Variants in TBC1D5 observed in about 807,000 individuals in gnomAD.
TBC1D5 encodes TBC1 domain family member 5.
In TBC1D5, 75 loss-of-function variants were observed where a neutral mutation model predicts 100.3. The observed-to-expected ratio is 0.75, with a 90% CI of 0.62 to 0.91. TBC1D5 has a LOEUF of 0.91. Ranked by LOEUF, TBC1D5 falls within the 40% of genes least tolerant of loss-of-function variation. The probability of loss-of-function intolerance (pLI) is 0.00; values close to 1 mark genes in which losing one functional copy is unlikely to be tolerated. For synonymous variants in TBC1D5, 323 were observed against 325.6 expected (o/e 0.99, Z 0.09); for missense variants, 910 against 942.4 (o/e 0.97, Z 0.45).
chr3:17,519,792 G>T (rs547625072), intron 2 of TBC1D5, among the ~76,000 whole-genome samples: 1 of 152,288 alleles, frequency 6.6e-6, no homozygotes, highest in African/African-American at 2.4e-5. Flanking sequence ...CGTAGGAATA[G>T]ATATGGATTA....
chr3:17,206,619 T>C (rs1397883642), intron 18 of TBC1D5, among the ~76,000 whole-genome samples: 1 of 152,074 alleles, frequency 6.6e-6, no homozygotes, highest in African/African-American at 2.4e-5. Flanking sequence ...CACACAGGGG[T>C]CACAGGGGTC....
At chr3:17,640,125 C>A (rs113251065) in intron 1 of TBC1D5, among the ~76,000 whole-genome samples, 24 of 152,086 alleles carry the variant, frequency 1.6e-4, no homozygotes, top group African/African-American at 5.3e-4. Flanking sequence ...GGGGTTGAGT[C>A]CACCAGTATA....
At chr3:17,388,008 T>C (rs2093222574) in intron 8 of TBC1D5, among the ~76,000 whole-genome samples, 1 of 151,992 alleles carries the variant, frequency 6.6e-6, no homozygotes, top group Non-Finnish European at 1.5e-5. Flanking sequence ...CATTTGTCCA[T>C]AAAATAAAAA....
At chr3:17,428,646 A>C in intron 3 of TBC1D5, 127 bp from the exon 4 acceptor site, 1 of 311,584 alleles carries the variant, frequency 3.2e-6, no homozygotes. Context: ...TCCCCAAATT[A>C]TCTTTTGTAC....
intron 3 of TBC1D5, among the ~76,000 whole-genome samples, chr3:17,474,820 C>G (rs2095419520): frequency 6.6e-6 from 1 of 152,008 alleles, no homozygotes; most frequent in South Asian, 2.1e-4. Context: ...AAATGGAATG[C>G]CGGAAGGATA....
At position 17,280,396 on chromosome 3, in the gene TBC1D5, G is replaced by T. The variant is rs547751976; in HGVS notation, c.1245+11499C>A. Among the ~76,000 whole-genome samples, 12 of 152,142 alleles carry T rather than the reference G, an allele frequency of 7.9e-5. No homozygotes were observed. In the South Asian group the frequency reaches 2.5e-3, roughly 32 times the overall value. On this transcript the variant is annotated intron_variant, in intron 15 of 21. Coordinates refer to ENST00000253692, the Ensembl canonical transcript of TBC1D5. ...GTGGCCCAAACATCCCTGTTTTCCCGCTGGAAAGTTGCCTTTTCCAAAACC... is the reference window on the plus strand; with the variant it reads ...GTGGCCCAAACATCCCTGTTTTCCCTCTGGAAAGTTGCCTTTTCCAAAACC...
chr3:17,497,465 G>A (rs1310601378), intron 3 of TBC1D5, among the ~76,000 whole-genome samples: 3 of 152,154 alleles, frequency 2.0e-5, no homozygotes, highest in African/African-American at 2.4e-5. Flanking sequence ...GTCTTTGGGC[G>A]GCAGCCCTCA....
intron 18 of TBC1D5, among the ~76,000 whole-genome samples, chr3:17,203,880 A>G (rs532943269): frequency 6.6e-6 from 1 of 152,194 alleles, no homozygotes; most frequent in African/African-American, 2.4e-5. Flanking sequence ...ATGGACTAAT[A>G]CAGTGCCCTA....
At chr3:17,310,703 A>G (rs896255943) in intron 13 of TBC1D5, among the ~76,000 whole-genome samples, 1 of 152,066 alleles carries the variant, frequency 6.6e-6, no homozygotes, top group East Asian at 1.9e-4. Context: ...AAAAAATACC[A>G]AAACCACATA....
At chr3:17,471,359 AT>A (rs1271197331) in intron 3 of TBC1D5, among the ~76,000 whole-genome samples, 1 of 152,230 alleles carries the variant, frequency 6.6e-6, no homozygotes, top group Non-Finnish European at 1.5e-5. Context: ...TAGTATTAAT[AT>A]TCTATTCTTA....
intron 18 of TBC1D5, among the ~76,000 whole-genome samples, chr3:17,203,583 G>A: frequency 6.6e-6 from 1 of 152,194 alleles, no homozygotes; most frequent in Non-Finnish European, 1.5e-5. Flanking sequence ...CTCTGAGTTG[G>A]AGGAGGGCCT....
intron 1 of TBC1D5, among the ~76,000 whole-genome samples, chr3:17,630,354 T>C (rs2063388468): frequency 6.6e-6 from 1 of 152,226 alleles, no homozygotes; most frequent in South Asian, 2.1e-4. Flanking sequence ...TTTCCAACAG[T>C]ATGTGCTCAC....
chr3:17,324,368 T>G (rs2085812741), intron 13 of TBC1D5, among the ~76,000 whole-genome samples: 1 of 152,068 alleles, frequency 6.6e-6, no homozygotes. Context: ...ATAGGCCCGG[T>G]GTGGTGGCTC....
chr3:17,672,074 A>G (rs577303517), intron 1 of TBC1D5, among the ~76,000 whole-genome samples: 8 of 152,354 alleles, frequency 5.3e-5, no homozygotes, highest in South Asian at 4.1e-4. Flanking sequence ...AAAGAATTTC[A>G]TAAATTGACA....
At chr3:17,543,731 C>T (rs1291327704) in intron 2 of TBC1D5, among the ~76,000 whole-genome samples, 1 of 152,046 alleles carries the variant, frequency 6.6e-6, no homozygotes, top group Non-Finnish European at 1.5e-5. Flanking sequence ...GGTATTATGC[C>T]TATATTCAGT....
chr3:17,667,747 C>T (rs1280181211), intron 1 of TBC1D5, among the ~76,000 whole-genome samples: 1 of 152,030 alleles, frequency 6.6e-6, no homozygotes, highest in Admixed American at 6.5e-5. Context: ...CCACGGTGCC[C>T]AGCCAGGAAA....
At chr3:17,502,836 C>G (rs1174872572) in intron 3 of TBC1D5, among the ~76,000 whole-genome samples, 1 of 149,500 alleles carries the variant, frequency 6.7e-6, no homozygotes, top group Non-Finnish European at 1.5e-5. Context: ...TCACTGCAAA[C>G]TTCTCTCTCC....
intron 13 of TBC1D5, among the ~76,000 whole-genome samples, chr3:17,313,021 T>C (rs182866299): frequency 3.0e-4 from 46 of 152,342 alleles, no homozygotes; most frequent in Non-Finnish European, 4.9e-4. Flanking sequence ...ACTGAGTAAC[T>C]TTAGCATATA....
chr3:17,678,463 G>C (rs1253849911), intron 1 of TBC1D5, among the ~76,000 whole-genome samples: 1 of 151,882 alleles, frequency 6.6e-6, no homozygotes, highest in Non-Finnish European at 1.5e-5. Context: ...TGGAAGTGGA[G>C]AGAAAAACAG....
Sources: gnomAD v4.1 joint callset for allele counts (sites outside exome capture counted in the v4.1 genomes callset) on GRCh38, gnomAD v4.1.1 for gene constraint, MANE v1.5 for transcripts, NCBI Gene and HGNC (gene_info 2026-07-23, HGNC 2026-07-21) for gene names.